Variants in LYRM4 observed in about 807,000 individuals in gnomAD.
The protein encoded by LYRM4 is LYR motif-containing protein 4.
LYRM4 carries 9 observed loss-of-function variants against 11.7 expected under a neutral mutation model. That is an observed-to-expected ratio of 0.77 (90% CI 0.46 to 1.34). The LOEUF is 1.34. LYRM4 is among the 40% of genes most tolerant of loss of function. The pLI, the probability that LYRM4 is intolerant of heterozygous loss-of-function variation, is 0.00. For missense variants in LYRM4, 133 were observed against 112.5 expected, an observed-to-expected ratio of 1.18 and a Z score of -0.82; for synonymous variants, 42 against 40.4, an observed-to-expected ratio of 1.04 and a Z score of -0.15.
At chr6:5,184,114 AAACT>A (rs1760240672) in intron 2 of LYRM4, among the ~76,000 whole-genome samples, 1 of 152,220 alleles carries the variant, frequency 6.6e-6, no homozygotes, top group Admixed American at 6.5e-5. Context: ...TTTATACAAG[AAACT>A]AAGTGGTAAT....
At chr6:5,161,615 T>C (rs1302712789) in intron 2 of LYRM4, among the ~76,000 whole-genome samples, 2 of 152,236 alleles carry the variant, frequency 1.3e-5, no homozygotes, top group Non-Finnish European at 1.5e-5. Context: ...TATGTAAATA[T>C]CTCAGAGATG....
intron 2 of LYRM4, among the ~76,000 whole-genome samples, chr6:5,187,412 A>T (rs1374623433): frequency 6.6e-6 from 1 of 152,224 alleles, no homozygotes; most frequent in Non-Finnish European, 1.5e-5. Flanking sequence ...TCCATCATTA[A>T]GTGGCTAATT....
At chr6:5,172,033 T>C (rs1759458836) in intron 2 of LYRM4, among the ~76,000 whole-genome samples, 1 of 152,126 alleles carries the variant, frequency 6.6e-6, no homozygotes, top group Non-Finnish European at 1.5e-5. Flanking sequence ...TGTGGAGCTC[T>C]GGGTCGTGTC....
intron 1 of LYRM4, among the ~76,000 whole-genome samples, chr6:5,233,871 C>T (rs1283927264): frequency 6.6e-6 from 1 of 152,246 alleles, no homozygotes. Context: ...CCAGACCATA[C>T]AGATCCCTGT....
rs779233417 is a variant in LYRM4 at position 5,221,009 on chromosome 6, TAG to T, written c.87-4273_87-4272del. Reference sequence around the variant, plus strand: ...CCATGACCTGCTAATTTTCATTTTGTAGAGAGAGGGTGTCACTATGCTGCCCA... The same window carrying T: ...CCATGACCTGCTAATTTTCATTTTGTAGAGAGGGTGTCACTATGCTGCCCA... On this transcript the variant is annotated intron_variant, in intron 1 of 2. Transcript: ENST00000330636. Among the ~76,000 whole-genome samples, 7 of 152,244 alleles carry T rather than the reference TAG, an allele frequency of 4.6e-5. No homozygotes were observed. The South Asian group carries it at 1.0e-3, about 23-fold the overall frequency.
chr6:5,258,012 G>C (rs1764764297), intron 1 of LYRM4, among the ~76,000 whole-genome samples: 1 of 152,190 alleles, frequency 6.6e-6, no homozygotes, highest in African/African-American at 2.4e-5. Flanking sequence ...TGACAATTGA[G>C]CTCAATCTTG....
chr6:5,170,892 C>T (rs190065012), intron 2 of LYRM4, among the ~76,000 whole-genome samples: 207 of 152,328 alleles, frequency 1.4e-3, no homozygotes, highest in African/African-American at 4.9e-3. Flanking sequence ...AGTGACCTAA[C>T]GGTCCACCAT....
At chr6:5,227,383 G>A (rs914038662) in intron 1 of LYRM4, among the ~76,000 whole-genome samples, 2 of 152,192 alleles carry the variant, frequency 1.3e-5, no homozygotes, top group African/African-American at 4.8e-5. Flanking sequence ...CAACGTAGAG[G>A]CAGGAAAGCC....
chr6:5,239,187 G>A (rs1763721798), intron 1 of LYRM4, among the ~76,000 whole-genome samples: 2 of 152,250 alleles, frequency 1.3e-5, no homozygotes, highest in Middle Eastern at 3.4e-3. Flanking sequence ...AAGAAGGTCC[G>A]GCAAGGGAAA....
At chr6:5,170,077 T>C (rs1298579232) in intron 2 of LYRM4, among the ~76,000 whole-genome samples, 1 of 152,218 alleles carries the variant, frequency 6.6e-6, no homozygotes, top group Non-Finnish European at 1.5e-5. Context: ...AAAGCCTAGC[T>C]TGGCTACAGT....
At chr6:5,104,113 C>T (rs1024413570), downstream of LYRM4, 11 of 152,416 alleles carry the variant, frequency 7.2e-5, no homozygotes, top group African/African-American at 2.7e-4. Flanking sequence ...CTTCCTCAAA[C>T]TTTTAATGTT....
At chr6:5,067,339 T>C in the LYRM4 span, among the ~76,000 whole-genome samples, 2 of 152,210 alleles carry the variant, frequency 1.3e-5, no homozygotes, top group Non-Finnish European at 2.9e-5. Flanking sequence ...GGGAATGTTT[T>C]ATTTGGGTGG....
intron 2 of LYRM4, among the ~76,000 whole-genome samples, chr6:5,139,808 G>A (rs892629405): frequency 2.7e-5 from 4 of 150,826 alleles, no homozygotes; most frequent in South Asian, 2.1e-4. Context: ...AGGCTGGGGC[G>A]TGGTGGGTCA....
rs9392662 is a variant in LYRM4 at position 5,193,029 on chromosome 6, C to A, written c.207+23589G>T. Among the ~76,000 whole-genome samples, 44 of 152,104 alleles carry A rather than the reference C, an allele frequency of 2.9e-4. 1 individual carries two copies. The highest frequency in any genetic ancestry group is 2.6e-3 in the Admixed American group (40 of 15,284). Reference sequence around the variant, plus strand: ...ACAGTGTGAGGCTCTGTCTCAAAAACAAAAAACAAAGTGCATTTGGGCCTA... The same window carrying A: ...ACAGTGTGAGGCTCTGTCTCAAAAAAAAAAAACAAAGTGCATTTGGGCCTA... On this transcript the variant is annotated intron_variant, in intron 2 of 2. Transcript: ENST00000330636.
At chr6:5,063,711 C>T in the LYRM4 span, among the ~76,000 whole-genome samples, 2 of 152,158 alleles carry the variant, frequency 1.3e-5, no homozygotes, top group Non-Finnish European at 2.9e-5. Context: ...TGGGTGCCAC[C>T]GTGGACCACA....
chr6:5,061,575 C>T, the LYRM4 span, among the ~76,000 whole-genome samples: 3 of 152,162 alleles, frequency 2.0e-5, no homozygotes, highest in African/African-American at 4.8e-5. Context: ...CAATAGCAAA[C>T]GCTGAAGGTG....
the LYRM4 span, chr6:5,066,613 C>G: frequency 8.4e-7 from 1 of 1,192,330 alleles, no homozygotes; most frequent in Non-Finnish European, 1.2e-6. Flanking sequence ...TTGTCACTTT[C>G]AAGGGCAACC....
At chr6:5,202,285 T>C (rs572604008) in intron 2 of LYRM4, among the ~76,000 whole-genome samples, 2 of 152,314 alleles carry the variant, frequency 1.3e-5, no homozygotes, top group East Asian at 1.9e-4. Context: ...GTAAATTGCA[T>C]TGTGTGAAGG....
At chr6:5,156,436 C>A (rs922910375) in intron 2 of LYRM4, among the ~76,000 whole-genome samples, 1 of 152,322 alleles carries the variant, frequency 6.6e-6, no homozygotes, top group East Asian at 1.9e-4. Flanking sequence ...CTGAACTCAT[C>A]ACAGCATTCC....
Sources: gnomAD v4.1 joint callset for allele counts (sites outside exome capture counted in the v4.1 genomes callset) on GRCh38, gnomAD v4.1.1 for gene constraint, MANE v1.5 for transcripts, NCBI Gene and HGNC (gene_info 2026-07-23, HGNC 2026-07-21) for gene names.